SH3KBP1: variants seen among roughly 807,000 people sequenced by gnomAD.
SH3KBP1 encodes SH3 domain-containing kinase-binding protein 1.
In SH3KBP1, 8 loss-of-function variants were observed where a neutral mutation model predicts 50.1. That is an observed-to-expected ratio of 0.16 (90% CI 0.09 to 0.29). SH3KBP1 has a LOEUF of 0.29. SH3KBP1 is among the 10% of genes least tolerant of loss of function. SH3KBP1 has a pLI of 1.00. For synonymous variants in SH3KBP1, 227 were observed against 218.6 expected, an observed-to-expected ratio of 1.04 and a Z score of -0.34; for missense variants, 377 against 535.2, an observed-to-expected ratio of 0.70 and a Z score of 2.92.
At chrX:19,587,452 G>A (rs755708682) in intron 12 of SH3KBP1, among the ~76,000 whole-genome samples, 28 of 111,316 alleles carry the variant, frequency 2.5e-4, no homozygotes, top group African/African-American at 8.5e-4. Flanking sequence ...ACTGAACAGT[G>A]CACTTAAAAT....
At chrX:19,717,320 T>C (rs1446119828) in intron 3 of SH3KBP1, among the ~76,000 whole-genome samples, 2 of 111,712 alleles carry the variant, frequency 1.8e-5, no homozygotes, top group Non-Finnish European at 3.8e-5. Context: ...AATGAACTAA[T>C]GAATTCCACA....
At chrX:19,845,064 G>A (rs761708747) in intron 1 of SH3KBP1, among the ~76,000 whole-genome samples, 2 of 111,881 alleles carry the variant, frequency 1.8e-5, no homozygotes, top group Admixed American at 9.4e-5. Flanking sequence ...GGGCAACAGA[G>A]TGAGACTCCG....
intron 6 of SH3KBP1, chrX:19,670,852 A>AAAAAAAAAAAAAAAAAAT: frequency 8.7e-7 from 1 of 1,147,436 alleles, no homozygotes; most frequent in Non-Finnish European, 1.2e-6. Flanking sequence ...AAAAAAAAAA[A>AAAAAAAAAAAAAAAAAAT]AAGAAATACC....
intron 1 of SH3KBP1, among the ~76,000 whole-genome samples, chrX:19,867,187 T>C (rs1467108017): frequency 1.8e-5 from 2 of 111,406 alleles, no homozygotes; most frequent in South Asian, 7.6e-4. Context: ...CCAGGGAAAC[T>C]AGTGCTCACA....
Position 19,841,546 on chromosome X carries a change from G to A in SH3KBP1, c.5-5264C>T, listed in dbSNP as rs148136544. ...GCACTTATTGTGTTCTGTGAATTCT[G>A]AAGAATAAATTTTTAATTTTAGTGT... On this transcript the variant is annotated intron_variant, in intron 1 of 17. Coordinates refer to ENST00000397821, the MANE Select transcript of SH3KBP1 (RefSeq NM_031892.3). 4.1e-3 allele frequency among the ~76,000 whole-genome samples: 463 copies of A among 112,135 alleles called. 2 individuals carry two copies. The highest frequency in any genetic ancestry group is 0.028 in the Middle Eastern group (6 of 212).
At chrX:19,625,343 G>GC (rs1460282874) in intron 8 of SH3KBP1, among the ~76,000 whole-genome samples, 1 of 106,699 alleles carries the variant, frequency 9.4e-6, no homozygotes, top group African/African-American at 3.6e-5. Flanking sequence ...ATTTTTTTTT[G>GC]CCCCCCGACA....
intron 8 of SH3KBP1, among the ~76,000 whole-genome samples, chrX:19,630,425 T>C (rs1275620952): frequency 8.9e-6 from 1 of 112,130 alleles, no homozygotes; most frequent in Non-Finnish European, 1.9e-5. Flanking sequence ...TGATTAAAAA[T>C]AGGAAATGCA....
At chrX:19,655,249 T>C (rs1198359643) in intron 6 of SH3KBP1, among the ~76,000 whole-genome samples, 1 of 112,177 alleles carries the variant, frequency 8.9e-6, no homozygotes, top group Non-Finnish European at 1.9e-5. Context: ...CATTCATTCA[T>C]TCATTCATTC....
chrX:19,680,392 A>AAAG (rs2063020737), intron 6 of SH3KBP1, among the ~76,000 whole-genome samples: 1 of 109,108 alleles, frequency 9.2e-6, no homozygotes, highest in African/African-American at 3.3e-5. Flanking sequence ...AAAAAAAAAA[A>AAAG]AAAAAAAAAA....
chrX:19,596,046 GC>G (rs1033395878), intron 9 of SH3KBP1, among the ~76,000 whole-genome samples: 4 of 111,695 alleles, frequency 3.6e-5, no homozygotes, highest in Non-Finnish European at 7.5e-5. Context: ...CCTTTTGCCA[GC>G]CCCTTCTAGC....
At chrX:19,565,638 T>C (rs1437927248) in intron 13 of SH3KBP1, among the ~76,000 whole-genome samples, 1 of 111,414 alleles carries the variant, frequency 9.0e-6, no homozygotes. Flanking sequence ...CTCCACTATA[T>C]TAGCAGAATG....
intron 1 of SH3KBP1, among the ~76,000 whole-genome samples, chrX:19,844,882 AG>A (rs1345730675): frequency 4.0e-4 from 45 of 111,412 alleles, no homozygotes; most frequent in Non-Finnish European, 7.0e-4. Context: ...GTTCAAGACC[AG>A]CCTGGCCAAG....
chrX:19,774,648 CAAAA>C (rs370626321), intron 2 of SH3KBP1, among the ~76,000 whole-genome samples: 2 of 41,667 alleles, frequency 4.8e-5, no homozygotes, highest in South Asian at 9.6e-4. Context: ...TCCCCTGTCT[CAAAA>C]AAAAAGAAAG....
At chrX:19,862,083 CCT>C (rs1261456718) in intron 1 of SH3KBP1, among the ~76,000 whole-genome samples, 1 of 111,965 alleles carries the variant, frequency 8.9e-6, no homozygotes, top group Non-Finnish European at 1.9e-5. Context: ...TGTTTCATCT[CCT>C]GTTACAGTTC....
At position 19,843,475 on chromosome X, in the gene SH3KBP1, C is replaced by A. The variant is rs190942810; in HGVS notation, c.5-7193G>T. The stretch of plus-strand genomic sequence containing the variant: ...GCCACAGATACTGTGGGGATCTCCG[C>A]GTACAATAAAGCTGACCTACATACC... On this transcript the variant is annotated intron_variant, in intron 1 of 17. Transcript: ENST00000397821. Among the ~76,000 whole-genome samples the A allele has an allele frequency of 2.7e-5, 3 of 111,313 alleles. No individual in the cohort carries two copies. The East Asian group carries it at 8.5e-4, about 31-fold the overall frequency.
chrX:19,878,390 T>G (rs1253106424), intron 1 of SH3KBP1, among the ~76,000 whole-genome samples: 1 of 104,313 alleles, frequency 9.6e-6, no homozygotes, highest in East Asian at 3.0e-4. Flanking sequence ...TGTAGCCTCC[T>G]GCTCCCAGGT....
intron 2 of SH3KBP1, among the ~76,000 whole-genome samples, chrX:19,779,569 C>A (rs1189282752): frequency 1.6e-5 from 1 of 63,911 alleles, no homozygotes; most frequent in Non-Finnish European, 2.8e-5. Context: ...CAATGCTATC[C>A]CTCCCCCCTC....
intron 3 of SH3KBP1, among the ~76,000 whole-genome samples, chrX:19,719,618 T>C (rs1003500785): frequency 9.0e-6 from 1 of 110,844 alleles, no homozygotes; most frequent in Non-Finnish European, 1.9e-5. Flanking sequence ...CTATATCTTA[T>C]AAAAATGATA....
intron 6 of SH3KBP1, among the ~76,000 whole-genome samples, chrX:19,671,272 G>C (rs931309195): frequency 9.0e-6 from 1 of 111,375 alleles, no homozygotes; most frequent in Admixed American, 9.6e-5. Flanking sequence ...TGGCTAGAGA[G>C]TGAGGGATAT....
Sources: gnomAD v4.1 joint callset for allele counts (sites outside exome capture counted in the v4.1 genomes callset) on GRCh38, gnomAD v4.1.1 for gene constraint, MANE v1.5 for transcripts, NCBI Gene and HGNC (gene_info 2026-07-23, HGNC 2026-07-21) for gene names.